MCC: variants seen among roughly 807,000 people sequenced by gnomAD.
MCC encodes colorectal mutant cancer protein.
MCC carries 90 observed loss-of-function variants against 116.2 expected under a neutral mutation model. The observed-to-expected ratio is 0.77, with a 90% confidence interval of 0.65 to 0.92. The LOEUF (loss-of-function observed/expected upper bound fraction) is 0.92. Among genes scored for constraint, MCC ranks in the 40% least tolerant of loss-of-function variants. The pLI is 0.00. For synonymous variants in MCC, 578 were observed against 510.5 expected (o/e 1.13, Z -1.78); for missense variants, 1,516 against 1,312.2 (o/e 1.16, Z -2.40).
intron 1 of MCC, among the ~76,000 whole-genome samples, chr5:113,413,765 A>G (rs1383669744): frequency 6.6e-6 from 1 of 151,498 alleles, no homozygotes; most frequent in Non-Finnish European, 1.5e-5. Flanking sequence ...TTGTGTCTCT[A>G]TCTCCTTCAG....
rs117004522 is a variant in MCC, at chr5:113,236,863, G to A, written c.628-85441C>T. Among the ~76,000 whole-genome samples, 313 of 152,258 alleles carry A rather than the reference G, an allele frequency of 2.1e-3. 7 individuals carry two copies. In the East Asian group the frequency reaches 0.053, roughly 26 times the overall value. ...CACTTGGTGGGTGGCTTCGCTGGGA[G>A]GCTGGACCAGGAGAGCATTCCCACT... is the stretch of plus-strand genomic sequence containing the variant. On this transcript the variant is annotated intron_variant, in intron 3 of 18. Coordinates refer to ENST00000408903, the MANE Select transcript of MCC (RefSeq NM_001085377.2).
chr5:113,340,806 T>A (rs1015116632), intron 2 of MCC, 76 bp from the exon 3 acceptor site: 6 of 1,170,820 alleles, frequency 5.1e-6, no homozygotes, highest in Non-Finnish European at 6.1e-6. Flanking sequence ...GGCAATGATT[T>A]GGAACCTCCT....
intron 3 of MCC, among the ~76,000 whole-genome samples, chr5:113,208,928 G>A (rs555213312): frequency 4.9e-4 from 74 of 152,192 alleles, no homozygotes; most frequent in Non-Finnish European, 9.1e-4. Flanking sequence ...GTCAGATCCT[G>A]AAGCCATTCT....
intron 6 of MCC, among the ~76,000 whole-genome samples, chr5:113,118,441 T>C (rs954187505): frequency 2.0e-5 from 3 of 152,232 alleles, no homozygotes; most frequent in South Asian, 2.1e-4. Flanking sequence ...CACTTTTTAA[T>C]TGGATCGTTT....
intron 11 of MCC, among the ~76,000 whole-genome samples, chr5:113,079,994 A>T (rs1460248712): frequency 6.6e-6 from 1 of 152,254 alleles, no homozygotes; most frequent in African/African-American, 2.4e-5. Context: ...TGGGTGAAGG[A>T]TATGAACAGA....
chr5:113,174,359 A>T (rs1167986143), intron 3 of MCC, among the ~76,000 whole-genome samples: 1 of 152,178 alleles, frequency 6.6e-6, no homozygotes, highest in Non-Finnish European at 1.5e-5. Flanking sequence ...GGTATGGATC[A>T]CCTGCACTGT....
intron 3 of MCC, among the ~76,000 whole-genome samples, chr5:113,230,684 C>CA (rs1763907776): frequency 1.3e-5 from 2 of 152,118 alleles, no homozygotes; most frequent in African/African-American, 2.4e-5. Context: ...TTGGAGGATA[C>CA]AAGTTAATGT....
intron 3 of MCC, among the ~76,000 whole-genome samples, chr5:113,339,857 G>C (rs1432740348): frequency 6.6e-6 from 1 of 152,216 alleles, no homozygotes; most frequent in Non-Finnish European, 1.5e-5. Context: ...AAGCCAGGTA[G>C]GCTTTTAGAC....
chr5:113,385,948 C>A (rs966197261), intron 1 of MCC, among the ~76,000 whole-genome samples: 1 of 151,856 alleles, frequency 6.6e-6, no homozygotes, highest in Non-Finnish European at 1.5e-5. Context: ...CCTATAGAGT[C>A]TCAAATTTAA....
intron 3 of MCC, among the ~76,000 whole-genome samples, chr5:113,328,412 G>C (rs1767619072): frequency 6.6e-6 from 1 of 152,186 alleles, no homozygotes; most frequent in African/African-American, 2.4e-5. Context: ...GACAGGGCTA[G>C]GGAAGAGATT....
chr5:113,027,586 G>A, intron 18 of MCC, 104 bp from the exon 19 acceptor site: 1 of 1,013,902 alleles, frequency 9.9e-7, no homozygotes, highest in Non-Finnish European at 1.5e-6. Flanking sequence ...CTGCTCTGAA[G>A]AAAGATCACT....
At chr5:113,326,593 G>A (rs921188583) in intron 3 of MCC, among the ~76,000 whole-genome samples, 3 of 152,202 alleles carry the variant, frequency 2.0e-5, no homozygotes, top group Admixed American at 1.3e-4. Flanking sequence ...GCACCACGAT[G>A]GGGGTTAAGT....
chr5:113,090,024 G>T (rs553679675), intron 8 of MCC, among the ~76,000 whole-genome samples: 1 of 152,328 alleles, frequency 6.6e-6, no homozygotes, highest in South Asian at 2.1e-4. Flanking sequence ...AATTAGAGAT[G>T]TAAGTCTGAA....
At chr5:113,165,827 CT>C (rs1760738721) in intron 3 of MCC, among the ~76,000 whole-genome samples, 1 of 152,070 alleles carries the variant, frequency 6.6e-6, no homozygotes. Flanking sequence ...AGGTGGGGAG[CT>C]TTTGGGTAAT....
At position 113,101,509 on chromosome 5, in the gene MCC, T is replaced by C. The variant is rs559656225; in HGVS notation, c.1398+230A>G. 7.5e-5 allele frequency: 41 copies of C among 544,592 alleles called. No individual in the cohort carries two copies. In the East Asian group the frequency reaches 1.3e-3, roughly 17 times the overall value. 33.7% of individuals were successfully genotyped at this position (544,592 alleles called of 1,614,324 possible). On this transcript the variant is annotated intron_variant, in intron 8 of 18. Transcript: ENST00000408903. ...GCCCCGATGTAATTTTATCAACCAG[T>C]CAGATTTAAGATTCCAGAGAAAAGT...
chr5:113,279,405 T>C (rs1173282608), intron 3 of MCC, among the ~76,000 whole-genome samples: 5 of 152,086 alleles, frequency 3.3e-5, no homozygotes, highest in Non-Finnish European at 7.3e-5. Flanking sequence ...TTATTAACTC[T>C]ATATAGTAAT....
intron 1 of MCC, among the ~76,000 whole-genome samples, chr5:113,408,263 T>C (rs1045374856): frequency 2.0e-5 from 3 of 152,136 alleles, no homozygotes; most frequent in African/African-American, 7.2e-5. Context: ...TTAACATATA[T>C]AGTTTTGCCC....
At chr5:113,333,836 T>TATATATGTAC (rs1554076893) in intron 3 of MCC, among the ~76,000 whole-genome samples, 1 of 59,316 alleles carries the variant, frequency 1.7e-5, no homozygotes, top group Non-Finnish European at 3.0e-5. Context: ...TGTATATATG[T>TATATATGTAC]ATATATGTAT....
Position 113,224,071 on chromosome 5 carries a change from G to A in MCC, c.628-72649C>T, listed in dbSNP as rs367855334. Among the ~76,000 whole-genome samples, 5 of 152,174 alleles carry A rather than the reference G, an allele frequency of 3.3e-5. No homozygotes were observed. The East Asian group carries it at 9.7e-4, about 29-fold the overall frequency. Reference sequence around the variant, plus strand: ...GCTCATACCAATTCTTGGAGGAGTAGGTATTGTTATATAGTTTTTGTTTTG... The same window carrying A: ...GCTCATACCAATTCTTGGAGGAGTAAGTATTGTTATATAGTTTTTGTTTTG... On this transcript the variant is annotated intron_variant, in intron 3 of 18. Transcript: ENST00000408903.
Sources: gnomAD v4.1 joint callset for allele counts (sites outside exome capture counted in the v4.1 genomes callset) on GRCh38, gnomAD v4.1.1 for gene constraint, MANE v1.5 for transcripts, NCBI Gene and HGNC (gene_info 2026-07-23, HGNC 2026-07-21) for gene names.